Variants in GRIP1 observed in about 807,000 individuals in gnomAD.
GRIP1 encodes glutamate receptor interacting protein 1.
Under a neutral mutation model 129.9 loss-of-function variants are expected in GRIP1, and 45 were observed. The observed-to-expected ratio is 0.35, with a 90% confidence interval of 0.27 to 0.44. The LOEUF (loss-of-function observed/expected upper bound fraction) is 0.44. GRIP1 is among the 20% of genes least tolerant of loss of function. The probability of loss-of-function intolerance (pLI) is 1.00; values close to 1 mark genes in which losing one functional copy is unlikely to be tolerated. For missense variants in GRIP1, 1,196 were observed against 1,396.8 expected, an observed-to-expected ratio of 0.86 and a Z score of 2.29; for synonymous variants, 530 against 520.8, an observed-to-expected ratio of 1.02 and a Z score of -0.24.
At chr12:66,921,991 C>T (rs2041221319) in intron 1 of GRIP1, among the ~76,000 whole-genome samples, 1 of 152,156 alleles carries the variant, frequency 6.6e-6, no homozygotes, top group African/African-American at 2.4e-5. Context: ...ATGTTGCTTC[C>T]ATAAACAGAG....
intron 5 of GRIP1, among the ~76,000 whole-genome samples, chr12:66,526,861 T>C (rs371419900): frequency 7.1e-4 from 106 of 148,864 alleles, no homozygotes; most frequent in African/African-American, 2.5e-3. Flanking sequence ...AAAAAGTGGG[T>C]GAAGGATATG....
chr12:66,480,550 A>G (rs185489953), intron 7 of GRIP1, among the ~76,000 whole-genome samples: 63 of 152,090 alleles, frequency 4.1e-4, no homozygotes, highest in African/African-American at 1.5e-3. Flanking sequence ...TCACAGAATT[A>G]AAAAAAACTA....
chr12:66,965,230 T>C (rs890669119), intron 1 of GRIP1, among the ~76,000 whole-genome samples: 6 of 152,108 alleles, frequency 3.9e-5, no homozygotes, highest in African/African-American at 1.4e-4. Flanking sequence ...ACCATATCCT[T>C]CAATCAGTAA....
At chr12:67,015,660 G>A (rs958832285) in intron 1 of GRIP1, among the ~76,000 whole-genome samples, 3 of 152,172 alleles carry the variant, frequency 2.0e-5, no homozygotes, top group African/African-American at 4.8e-5. Context: ...ATGCAAGGAA[G>A]GAAACAAATA....
intron 15 of GRIP1, among the ~76,000 whole-genome samples, chr12:66,410,049 G>A (rs2057333256): frequency 6.6e-6 from 1 of 150,818 alleles, no homozygotes; most frequent in South Asian, 2.1e-4. Flanking sequence ...AGGAGATCGA[G>A]ACCATCCCGG....
chr12:66,616,584 G>GT (rs1303744551), intron 1 of GRIP1, among the ~76,000 whole-genome samples: 1 of 152,124 alleles, frequency 6.6e-6, no homozygotes, highest in East Asian at 1.9e-4. Context: ...CTTTGTTTTT[G>GT]TTTTTTACCT....
chr12:66,625,014 T>A (rs1041183726), intron 1 of GRIP1, among the ~76,000 whole-genome samples: 13 of 151,536 alleles, frequency 8.6e-5, no homozygotes, highest in East Asian at 1.9e-4. Context: ...TTTTTTTTTT[T>A]AAATAGGTTT....
chr12:66,438,649 C>A (rs2058383310), intron 13 of GRIP1, among the ~76,000 whole-genome samples: 1 of 152,066 alleles, frequency 6.6e-6, no homozygotes, highest in African/African-American at 2.4e-5. Context: ...GCACACACCA[C>A]CATGCTAGGC....
chr12:66,826,358 G>A (rs1342524099), intron 1 of GRIP1, among the ~76,000 whole-genome samples: 1 of 152,026 alleles, frequency 6.6e-6, no homozygotes, highest in African/African-American at 2.4e-5. Flanking sequence ...TGTAGATGAC[G>A]GGTTGATGGG....
chr12:66,795,134 G>A (rs2038658646), intron 1 of GRIP1, among the ~76,000 whole-genome samples: 1 of 152,106 alleles, frequency 6.6e-6, no homozygotes, highest in Non-Finnish European at 1.5e-5. Flanking sequence ...TTAATTTTTT[G>A]CAGGCAGATT....
At chr12:66,988,783 C>A (rs1001544697) in intron 1 of GRIP1, among the ~76,000 whole-genome samples, 1 of 152,012 alleles carries the variant, frequency 6.6e-6, no homozygotes, top group Non-Finnish European at 1.5e-5. Flanking sequence ...TTTCATTTAT[C>A]CAGTTACTCA....
chr12:66,990,959 A>G lies in GRIP1; in HGVS notation c.58+78091T>C, dbSNP rs2042385195. On this transcript the variant is annotated intron_variant, in intron 1 of 1. Transcript: ENST00000643019. Reference sequence around the variant, plus strand: ...GCCATTACGCTCCAGCCTGGGCAACAAGAGCTAAACTCCGTCGCAAAAAAA... The same window carrying G: ...GCCATTACGCTCCAGCCTGGGCAACGAGAGCTAAACTCCGTCGCAAAAAAA... 3.3e-5 allele frequency among the ~76,000 whole-genome samples: 5 copies of G among 151,362 alleles called. 1 individual carries two copies. The South Asian group carries it at 1.1e-3, about 32-fold the overall frequency.
At position 66,435,831 on chromosome 12, in the gene GRIP1, CATA is replaced by C. The variant is rs2058287797; in HGVS notation, c.1688-3206_1688-3204del. Among the ~76,000 whole-genome samples the C allele has an allele frequency of 2.0e-5, 3 of 152,292 alleles. No individual in the cohort carries two copies. The South Asian group carries it at 6.2e-4, about 32-fold the overall frequency. On this transcript the variant is annotated intron_variant, in intron 13 of 24. Coordinates refer to ENST00000359742, the MANE Select transcript of GRIP1 (RefSeq NM_001366722.1). ...CTGACTACATGAGATTTGAAATATT[CATA>C]ATGATGAACAAATATCAACTAATAA...
At chr12:66,990,293 G>A (rs1042660277) in intron 1 of GRIP1, among the ~76,000 whole-genome samples, 9 of 152,146 alleles carry the variant, frequency 5.9e-5, no homozygotes, top group African/African-American at 2.2e-4. Flanking sequence ...TTTGGTTCTT[G>A]TTTCAAATTC....
intron 1 of GRIP1, among the ~76,000 whole-genome samples, chr12:66,927,393 T>C (rs554747038): frequency 6.6e-6 from 1 of 152,172 alleles, no homozygotes; most frequent in Non-Finnish European, 1.5e-5. Context: ...GAGCTTATAA[T>C]AGAACACATA....
chr12:66,664,141 G>A (rs551923623), intron 1 of GRIP1, among the ~76,000 whole-genome samples: 4 of 151,172 alleles, frequency 2.6e-5, no homozygotes, highest in South Asian at 4.2e-4. Context: ...AATTTAACTC[G>A]AACCCATTTC....
chr12:66,852,405 T>C (rs1188797857), intron 1 of GRIP1, among the ~76,000 whole-genome samples: 1 of 151,908 alleles, frequency 6.6e-6, no homozygotes, highest in Non-Finnish European at 1.5e-5. Context: ...GAGTAGAGTA[T>C]AATCTCTTAG....
intron 1 of GRIP1, among the ~76,000 whole-genome samples, chr12:67,000,220 G>C (rs904721993): frequency 6.6e-6 from 1 of 152,014 alleles, no homozygotes; most frequent in Non-Finnish European, 1.5e-5. Context: ...AAGTACTACA[G>C]GGCAAAAGGA....
At chr12:66,398,575 A>G (rs1479400256) in intron 16 of GRIP1, among the ~76,000 whole-genome samples, 1 of 151,974 alleles carries the variant, frequency 6.6e-6, no homozygotes, top group African/African-American at 2.4e-5. Context: ...GCTTAGCTGG[A>G]GGGGCTAGAG....
Sources: allele counts gnomAD v4.1 joint callset (sites outside exome capture counted in the v4.1 genomes callset), GRCh38; gene constraint gnomAD v4.1.1; transcripts MANE v1.5; gene names NCBI Gene and HGNC (gene_info 2026-07-23, HGNC 2026-07-21).